The following GPBP1 variants were observed in gnomAD, a reference collection of about 807,000 sequenced individuals.
GPBP1 encodes vasculin.
GPBP1 carries 13 observed loss-of-function variants against 56.5 expected under a neutral mutation model. The observed-to-expected ratio is 0.23, with a 90% CI of 0.15 to 0.37. The LOEUF is 0.37. Among genes scored for constraint, GPBP1 ranks in the 10% least tolerant of loss-of-function variants. GPBP1 has a pLI of 1.00. For missense variants in GPBP1, 477 were observed against 572.3 expected (o/e 0.83, Z 1.70); for synonymous variants, 204 against 188.9 (o/e 1.08, Z -0.66).
intron 2 of GPBP1, among the ~76,000 whole-genome samples, chr5:57,206,931 T>C (rs2111727480): frequency 6.6e-6 from 1 of 152,204 alleles, no homozygotes; most frequent in Non-Finnish European, 1.5e-5. Flanking sequence ...GTAGACCCCA[T>C]CTCTACGAAA....
Position 57,264,256 on chromosome 5 carries a change from A to C in GPBP1, c.*1504A>C, listed in dbSNP as rs1742024191. ...CTTATACTTAAAATAAGGTTTCACT[A>C]TATAATTTGTCACAATTCAATCTAA... On this transcript the variant is annotated 3_prime_UTR_variant, in exon 12 of 12. Coordinates refer to ENST00000506184, the MANE Select transcript of GPBP1 (RefSeq NM_022913.4). 1 of 152,184 alleles carries C rather than the reference A, an allele frequency of 6.6e-6. No homozygotes were observed. The highest frequency in any genetic ancestry group is 2.4e-5 in the African/African-American group (1 of 41,464). 9.4% of individuals were successfully genotyped at this position (152,184 alleles called of 1,614,324 possible).
At chr5:57,212,466 T>G (rs909134602) in intron 2 of GPBP1, among the ~76,000 whole-genome samples, 14 of 152,128 alleles carry the variant, frequency 9.2e-5, no homozygotes, top group African/African-American at 2.7e-4. Flanking sequence ...CAGTATATTT[T>G]GGTTAGACAT....
At chr5:57,246,193 TAGTTAA>T in intron 6 of GPBP1, 101 bp from the exon 7 acceptor site, 1 of 657,594 alleles carries the variant, frequency 1.5e-6, no homozygotes, top group South Asian at 2.4e-5. Flanking sequence ...AGGCAGCTGT[TAGTTAA>T]AAAAAAAAAA....
chr5:57,197,650 C>T lies in GPBP1; in HGVS notation c.-57-16424C>T, dbSNP rs573403045. Among the ~76,000 whole-genome samples the T allele has an allele frequency of 7.2e-5, 11 of 152,044 alleles. No individual in the cohort carries two copies. In the South Asian group the frequency reaches 1.9e-3, roughly 26 times the overall value. ...CTGGGATTACAGGCGGGAGCCATTGCGCCTGGCCTGCTTCAATTTTTTTTG... is the reference window on the plus strand; with the variant it reads ...CTGGGATTACAGGCGGGAGCCATTGTGCCTGGCCTGCTTCAATTTTTTTTG... On this transcript the variant is annotated intron_variant, in intron 2 of 11. Transcript: ENST00000506184.
chr5:57,191,444 C>T (rs1329437164), intron 2 of GPBP1, among the ~76,000 whole-genome samples: 2 of 151,754 alleles, frequency 1.3e-5, no homozygotes, highest in Non-Finnish European at 2.9e-5. Context: ...GATTTGTTTA[C>T]TGTGACCCTT....
At chr5:57,222,791 A>G (rs1016093958) in intron 3 of GPBP1, among the ~76,000 whole-genome samples, 2 of 152,146 alleles carry the variant, frequency 1.3e-5, no homozygotes, top group Non-Finnish European at 2.9e-5. Context: ...GTTCGTATCT[A>G]CTTATAATCC....
intron 3 of GPBP1, among the ~76,000 whole-genome samples, chr5:57,229,726 G>C (rs538899489): frequency 1.3e-5 from 2 of 151,694 alleles, no homozygotes; most frequent in East Asian, 3.9e-4. Context: ...TAGAGATGGG[G>C]TTTCACTGTG....
At chr5:57,212,675 T>TC (rs1182881190) in intron 2 of GPBP1, among the ~76,000 whole-genome samples, 1 of 150,696 alleles carries the variant, frequency 6.6e-6, no homozygotes, top group Non-Finnish European at 1.5e-5. Context: ...TTTTTTTCTT[T>TC]TTTTTTTTTT....
chr5:57,236,459 A>G (rs1756666900), intron 6 of GPBP1, among the ~76,000 whole-genome samples: 1 of 152,008 alleles, frequency 6.6e-6, no homozygotes, highest in Non-Finnish European at 1.5e-5. Flanking sequence ...GTGGTTACGT[A>G]TATATATATA....
chr5:57,206,078 TAA>T (rs2111723183), intron 2 of GPBP1, among the ~76,000 whole-genome samples: 2 of 152,296 alleles, frequency 1.3e-5, no homozygotes, highest in African/African-American at 4.8e-5. Flanking sequence ...TTGTACATTT[TAA>T]AATTGAGTTG....
chr5:57,224,518 C>G (rs1474212513), intron 3 of GPBP1, among the ~76,000 whole-genome samples: 1 of 152,092 alleles, frequency 6.6e-6, no homozygotes, highest in Non-Finnish European at 1.5e-5. Context: ...GCTGGGATTA[C>G]AGATGTGAGC....
At chr5:57,185,100 G>C (rs1212484588) in intron 2 of GPBP1, among the ~76,000 whole-genome samples, 1 of 152,144 alleles carries the variant, frequency 6.6e-6, no homozygotes, top group African/African-American at 2.4e-5. Flanking sequence ...CTTGTGCATA[G>C]GACTTGGTGT....
intron 2 of GPBP1, among the ~76,000 whole-genome samples, chr5:57,193,605 C>A (rs1386077967): frequency 2.2e-5 from 3 of 139,280 alleles, no homozygotes; most frequent in Non-Finnish European, 4.5e-5. Flanking sequence ...TAGAATGAGA[C>A]CCTGTCTCAA....
chr5:57,185,344 C>T (rs950446669), intron 2 of GPBP1, among the ~76,000 whole-genome samples: 4 of 151,770 alleles, frequency 2.6e-5, no homozygotes, highest in Admixed American at 2.6e-4. Context: ...TCACTGCAAC[C>T]TCCGCCTACC....
chr5:57,194,254 C>G (rs1754653554), intron 2 of GPBP1, among the ~76,000 whole-genome samples: 1 of 152,106 alleles, frequency 6.6e-6, no homozygotes, highest in South Asian at 2.1e-4. Flanking sequence ...AGGCAAATTC[C>G]TGTAAGTGAA....
At chr5:57,261,760 T>C (rs899379438) in intron 11 of GPBP1, among the ~76,000 whole-genome samples, 2 of 152,222 alleles carry the variant, frequency 1.3e-5, no homozygotes, top group African/African-American at 4.8e-5. Flanking sequence ...TATCCTTTTC[T>C]TGCACAAGAG....
intron 2 of GPBP1, among the ~76,000 whole-genome samples, chr5:57,212,732 C>G (rs1031126015): frequency 2.1e-4 from 30 of 143,114 alleles, no homozygotes; most frequent in South Asian, 9.0e-4. Flanking sequence ...TGCAGTGGCT[C>G]TATTTCGGCT....
In GPBP1 at chr5:57,263,402, TC is replaced by T. The variant is rs1741990409; in HGVS notation, c.*652del. 6.6e-6 allele frequency: 1 copy of T among 152,182 alleles called. No homozygotes were observed. The highest frequency in any genetic ancestry group is 2.1e-4 in the South Asian group (1 of 4,828). 9.4% of individuals were successfully genotyped at this position (152,182 alleles called of 1,614,324 possible). Reference sequence around the variant, plus strand: ...CAGGAAAAGACTTGGCACATTTTCTTCCAAATTTTAAGAGGTGATTTTCAAA... The same window carrying T: ...CAGGAAAAGACTTGGCACATTTTCTTCAAATTTTAAGAGGTGATTTTCAAA... On this transcript the variant is annotated 3_prime_UTR_variant, in exon 12 of 12. Transcript: ENST00000506184.
At chr5:57,179,737 A>ATT (rs1216685427) in intron 2 of GPBP1, among the ~76,000 whole-genome samples, 2 of 151,842 alleles carry the variant, frequency 1.3e-5, no homozygotes, top group Non-Finnish European at 2.9e-5. Context: ...AGTAGCTGGG[A>ATT]TTACCCGCAT....
Sources: gnomAD v4.1 joint callset for allele counts (sites outside exome capture counted in the v4.1 genomes callset) on GRCh38, gnomAD v4.1.1 for gene constraint, MANE v1.5 for transcripts, NCBI Gene and HGNC (gene_info 2026-07-23, HGNC 2026-07-21) for gene names.